Variants in CBR4 observed in about 807,000 individuals in gnomAD.
CBR4 encodes the protein 3-oxoacyl-[acyl-carrier-protein] reductase.
CBR4 carries 22 observed loss-of-function variants against 21.0 expected under a neutral mutation model. The observed-to-expected ratio is 1.05, with a 90% CI of 0.75 to 1.50. The LOEUF is 1.50. Ranked by LOEUF, CBR4 falls within the 40% of genes most tolerant of loss-of-function variation. The pLI is 0.00. For synonymous variants in CBR4, 100 were observed against 104.4 expected (o/e 0.96, Z 0.26); for missense variants, 302 against 286.3 (o/e 1.05, Z -0.40).
intron 3 of CBR4, 68 bp downstream of exon 3, chr4:169,006,687 C>T (rs976585871): frequency 5.3e-6 from 7 of 1,330,930 alleles, no homozygotes; most frequent in African/African-American, 1.5e-5. Context: ...ATCACAAATT[C>T]GTGGATTAAA....
At chr4:168,986,073 G>GA (rs1008831780), downstream of CBR4, among the ~76,000 whole-genome samples, 3 of 138,886 alleles carry the variant, frequency 2.2e-5, no homozygotes, top group Admixed American at 2.1e-4. Flanking sequence ...AGTTGGAAAG[G>GA]AAAAAAAAGA....
At chr4:168,975,592 T>C (rs1311617284) in intron 2 of CBR4, among the ~76,000 whole-genome samples, 4 of 152,160 alleles carry the variant, frequency 2.6e-5, no homozygotes, top group African/African-American at 9.7e-5. Flanking sequence ...AATTTTGCCC[T>C]ACTTTGGCCA....
intron 2 of CBR4, chr4:168,903,934 G>C: frequency 1.2e-6 from 2 of 1,605,038 alleles, no homozygotes; most frequent in South Asian, 1.1e-5. Flanking sequence ...TCTGGGCTCA[G>C]TTCTGTGTCT....
chr4:168,924,108 T>G (rs750954768), intron 2 of CBR4: 2 of 679,828 alleles, frequency 2.9e-6, no homozygotes, highest in African/African-American at 1.8e-5. Context: ...AAAGAATAAT[T>G]TGGAGAGGGG....
chr4:168,939,448 G>A (rs1032541241), intron 2 of CBR4, among the ~76,000 whole-genome samples: 1 of 152,094 alleles, frequency 6.6e-6, no homozygotes, highest in Admixed American at 6.5e-5. Context: ...TTCTGGACAG[G>A]GCAATCAGGC....
At chr4:168,899,730 A>G (rs1030221026) in intron 2 of CBR4, among the ~76,000 whole-genome samples, 2 of 152,146 alleles carry the variant, frequency 1.3e-5, no homozygotes, top group Non-Finnish European at 2.9e-5. Flanking sequence ...CAGCCTGGCC[A>G]ACATGGTGAA....
In CBR4 at chr4:168,898,801, G is replaced by A. The variant is rs182831552; in HGVS notation, n.170-4036C>T. ...ACATAGCATGCCAGTAGGAGAAAGA[G>A]ATACAAATGATCTTTCTCAATACCC... On this transcript the variant is annotated intron_variant and non_coding_transcript_variant, in intron 2 of 3. Transcript: ENST00000509108. 2.0e-5 allele frequency: 17 copies of A among 844,806 alleles called. No homozygotes were observed. In the East Asian group the frequency reaches 4.1e-4, roughly 20 times the overall value. The allele number at this position is 844,806 out of a possible 1,614,324, so 52.3% of individuals were successfully genotyped here. A position where few individuals can be genotyped will look rare whatever the true frequency, so the allele number is the denominator to read the frequency against.
At chr4:169,009,873 C>CTTTT in intron 1 of CBR4, 75 bp downstream of exon 1, 1 of 1,422,490 alleles carries the variant, frequency 7.0e-7, no homozygotes, top group South Asian at 1.3e-5. Context: ...CAGACCCGCT[C>CTTTT]TTTTTACAAA....
chr4:168,898,084 C>G (rs1460030857), intron 2 of CBR4: 2 of 214,868 alleles, frequency 9.3e-6, no homozygotes, highest in Non-Finnish European at 1.9e-5. Context: ...GCCACATGTA[C>G]TATGTGGAGA....
intron 2 of CBR4, among the ~76,000 whole-genome samples, chr4:168,948,031 C>T (rs1033418160): frequency 6.6e-6 from 1 of 152,084 alleles, no homozygotes; most frequent in African/African-American, 2.4e-5. Flanking sequence ...GCAGCCATGC[C>T]AACACCTACT....
At position 168,990,035 on chromosome 4, in the gene CBR4, T is replaced by G; in HGVS notation, c.*115A>C. 8 of 1,321,884 alleles carry G rather than the reference T, an allele frequency of 6.1e-6. No homozygotes were observed. Among genetic ancestry groups the G allele is most frequent in the Non-Finnish European group, 7.8e-6 (8 of 1,028,638 alleles). The allele number at this position is 1,321,884 out of a possible 1,614,324, so 81.9% of individuals were successfully genotyped here. ...TTTTTATAAAGACAGAAATTAACAT[T>G]TGTAGCATCAGCAGGTTTGATTAGC... On this transcript the variant is annotated 3_prime_UTR_variant, in exon 5 of 5. Coordinates refer to ENST00000306193, the MANE Select transcript of CBR4 (RefSeq NM_032783.5).
intron 2 of CBR4, among the ~76,000 whole-genome samples, chr4:168,939,429 T>A (rs1763201246): frequency 6.6e-6 from 1 of 152,162 alleles, no homozygotes; most frequent in Non-Finnish European, 1.5e-5. Flanking sequence ...TTCAACATAG[T>A]ACTGGAAGTT....
intron 2 of CBR4, among the ~76,000 whole-genome samples, chr4:168,914,578 A>G (rs1326862540): frequency 2.6e-5 from 4 of 152,220 alleles, no homozygotes; most frequent in African/African-American, 9.7e-5. Context: ...TTCTGAGTCT[A>G]TGCAAGGACA....
intron 2 of CBR4, among the ~76,000 whole-genome samples, chr4:168,925,943 C>G (rs1310568769): frequency 1.4e-5 from 2 of 141,586 alleles, no homozygotes; most frequent in Non-Finnish European, 3.1e-5. Context: ...CCAAAGGATT[C>G]CCTGTGCTGC....
chr4:168,987,748 T>C lies in CBR4; in HGVS notation c.*2402A>G, dbSNP rs1272547409. On this transcript the variant is annotated 3_prime_UTR_variant, in exon 5 of 5. Coordinates refer to ENST00000306193, the MANE Select transcript of CBR4 (RefSeq NM_032783.5). ...CTTGAATATGCAGCGTAGTCTTCTC[T>C]CTTTATTCTGAATAACAGAAGCACG... 3.0e-6 allele frequency: 3 copies of C among 985,074 alleles called. No individual in the cohort carries two copies. Among genetic ancestry groups the C allele is most frequent in the East Asian group, 1.1e-4 (1 of 8,826 alleles). The allele number at this position is 985,074 out of a possible 1,614,324, so 61.0% of individuals were successfully genotyped here. A position where few individuals can be genotyped will look rare whatever the true frequency, so the allele number is the denominator to read the frequency against.
At chr4:168,922,189 C>T (rs1422379534) in intron 2 of CBR4, among the ~76,000 whole-genome samples, 3 of 151,416 alleles carry the variant, frequency 2.0e-5, no homozygotes, top group Non-Finnish European at 4.4e-5. Context: ...TAGTCATTGT[C>T]AAACTACACT....
chr4:168,953,267 C>CA (rs138616107), intron 2 of CBR4, among the ~76,000 whole-genome samples: 2 of 145,084 alleles, frequency 1.4e-5, no homozygotes, highest in East Asian at 9.0e-4. Flanking sequence ...TCCCACCGTG[C>CA]CCCCCCGCAA....
At chr4:168,897,095 C>T (rs568470618) in intron 2 of CBR4, among the ~76,000 whole-genome samples, 7 of 152,132 alleles carry the variant, frequency 4.6e-5, no homozygotes, top group Admixed American at 1.3e-4. Context: ...CTTCCCAAAG[C>T]GCTGGGAATA....
intron 2 of CBR4, among the ~76,000 whole-genome samples, chr4:168,966,114 T>C (rs1001646560): frequency 6.6e-6 from 1 of 152,014 alleles, no homozygotes; most frequent in Non-Finnish European, 1.5e-5. Flanking sequence ...AAAGAAGACA[T>C]TTATGCAGCC....
Sources: gnomAD v4.1 joint callset for allele counts (sites outside exome capture counted in the v4.1 genomes callset) on GRCh38, gnomAD v4.1.1 for gene constraint, MANE v1.5 for transcripts, NCBI Gene and HGNC (gene_info 2026-07-23, HGNC 2026-07-21) for gene names.